Variants in MAPK10 observed in about 807,000 individuals in gnomAD.
MAPK10 encodes the protein mitogen-activated protein kinase 10.
In MAPK10, 25 loss-of-function variants were observed where a neutral mutation model predicts 59.3. That is an observed-to-expected ratio of 0.42 (90% confidence interval 0.31 to 0.59). MAPK10 has a LOEUF of 0.59. MAPK10 is among the 20% of genes least tolerant of loss of function. The pLI is 0.15. For missense variants in MAPK10, 351 were observed against 568.9 expected (o/e 0.62, Z 3.90); for synonymous variants, 190 against 200.5 (o/e 0.95, Z 0.44).
chr4:86,403,097 T>G (rs566105220), intron 1 of MAPK10, among the ~76,000 whole-genome samples: 7 of 152,240 alleles, frequency 4.6e-5, no homozygotes, highest in Admixed American at 4.6e-4. Flanking sequence ...CTAAATCAAT[T>G]TTGGTTTTCT....
At chr4:86,451,432 C>T (rs923264031) in intron 1 of MAPK10, among the ~76,000 whole-genome samples, 2 of 152,084 alleles carry the variant, frequency 1.3e-5, no homozygotes, top group African/African-American at 4.8e-5. Flanking sequence ...TGAAGAATAA[C>T]GGCCAATATT....
At chr4:86,134,260 T>A (rs997683785) in intron 4 of MAPK10, among the ~76,000 whole-genome samples, 11 of 152,228 alleles carry the variant, frequency 7.2e-5, no homozygotes, top group Admixed American at 3.9e-4. Context: ...AAATTAAGTA[T>A]CTGTAGCTCT....
upstream of MAPK10, among the ~76,000 whole-genome samples, chr4:86,454,496 TAAAC>T (rs1456578026): frequency 1.3e-5 from 2 of 151,974 alleles, no homozygotes; most frequent in Non-Finnish European, 2.9e-5. Flanking sequence ...GCAATAGACT[TAAAC>T]AAGCAGAAGA....
chr4:86,486,918 T>C lies in MAPK10; in HGVS notation c.-263+106992A>G, dbSNP rs149483559. ...TACTCTGAGAAGGACAAATCACTGA[T>C]GTCTTATGCAGCAAGAAAGGCACGA... is the stretch of plus-strand genomic sequence containing the variant. On this transcript the variant is annotated intron_variant, in intron 1 of 4. Transcript: ENST00000502302. Among the ~76,000 whole-genome samples, 630 of 152,324 alleles carry C rather than the reference T, an allele frequency of 4.1e-3. 4 individuals are homozygous for C. Among genetic ancestry groups the C allele is most frequent in the African/African-American group, 0.014 (587 of 41,572 alleles).
chr4:86,209,470 T>C (rs952554146), intron 2 of MAPK10, among the ~76,000 whole-genome samples: 1 of 151,958 alleles, frequency 6.6e-6, no homozygotes, highest in African/African-American at 2.4e-5. Context: ...TCTAGGCTAA[T>C]CCTCAGTATG....
At chr4:86,041,284 GA>G (rs1436519526) in intron 11 of MAPK10, among the ~76,000 whole-genome samples, 1 of 152,166 alleles carries the variant, frequency 6.6e-6, no homozygotes, top group Non-Finnish European at 1.5e-5. Context: ...GCCATATGCA[GA>G]AAACTGAAAC....
chr4:86,530,680 TTA>T (rs1435283749), intron 1 of MAPK10, among the ~76,000 whole-genome samples: 1 of 152,192 alleles, frequency 6.6e-6, no homozygotes, highest in Non-Finnish European at 1.5e-5. Context: ...GAGCCTCTGT[TTA>T]TAAGGATACT....
At chr4:86,139,598 A>C (rs2063131243) in intron 4 of MAPK10, among the ~76,000 whole-genome samples, 1 of 152,230 alleles carries the variant, frequency 6.6e-6, no homozygotes, top group Admixed American at 6.5e-5. Context: ...AAACCAAGGC[A>C]TTACCATTCA....
chr4:86,177,337 G>C (rs1201895657), intron 3 of MAPK10, among the ~76,000 whole-genome samples: 1 of 152,002 alleles, frequency 6.6e-6, no homozygotes, highest in Non-Finnish European at 1.5e-5. Flanking sequence ...CATTATGCAG[G>C]TTTTTCCTTT....
chr4:86,347,701 G>T (rs1345698995), intron 2 of MAPK10, among the ~76,000 whole-genome samples: 2 of 152,112 alleles, frequency 1.3e-5, no homozygotes, highest in African/African-American at 4.8e-5. Flanking sequence ...CTGGGTCATA[G>T]ACAGTGCATT....
Position 86,038,653 on chromosome 4 carries a change from T to G in MAPK10, c.1111-7222A>C, listed in dbSNP as rs561318515. 5.9e-5 allele frequency among the ~76,000 whole-genome samples: 9 copies of G among 152,212 alleles called. No homozygotes were observed. The South Asian group carries it at 1.2e-3, about 21-fold the overall frequency. On this transcript the variant is annotated intron_variant, in intron 11 of 13. Transcript: ENST00000641462. ...AAAATGACTCTGATGAAGCACAAAA[T>G]GATATGCACTTTTATTGTTTTATTT... is the stretch of plus-strand genomic sequence containing the variant.
rs150314520 is a variant in MAPK10 at position 86,103,322 on chromosome 4, C to T, written c.367-78G>A. ...AATGTATTATTTTTAAATTGTATTT[C>T]AACTCAAAGTCACTCACTAGTGCTA... On this transcript the variant is annotated intron_variant, in intron 5 of 13. Coordinates refer to ENST00000641462, the MANE Select transcript of MAPK10 (RefSeq NM_138982.4). 3.7e-3 allele frequency: 2,996 copies of T among 809,580 alleles called. 61 individuals carry two copies. In the African/African-American group the frequency reaches 0.044, roughly 12 times the overall value. The allele number at this position is 809,580 out of a possible 1,614,324, so 50.1% of individuals were successfully genotyped here.
Position 86,222,729 on chromosome 4 carries a change from C to T in MAPK10, c.-6-28322G>A, listed in dbSNP as rs2089911356. 2.0e-5 allele frequency among the ~76,000 whole-genome samples: 3 copies of T among 152,310 alleles called. No homozygotes were observed. In the South Asian group the frequency reaches 6.2e-4, roughly 32 times the overall value. The stretch of plus-strand genomic sequence containing the variant: ...TACTGAAGTGGAAGTCCATTTTGTT[C>T]TTGACTGGTCCTCCAGGCCTCCAGA... On this transcript the variant is annotated intron_variant, in intron 2 of 13. Transcript: ENST00000641462.
At chr4:86,324,616 C>A (rs2095979656) in intron 2 of MAPK10, among the ~76,000 whole-genome samples, 1 of 152,144 alleles carries the variant, frequency 6.6e-6, no homozygotes. Flanking sequence ...ATTTTGCTCA[C>A]ATAATAATCA....
intron 2 of MAPK10, among the ~76,000 whole-genome samples, chr4:86,224,898 CTA>C: frequency 6.6e-6 from 1 of 152,264 alleles, no homozygotes; most frequent in Non-Finnish European, 1.5e-5. Context: ...ATACAATTCT[CTA>C]TTGCAATGAA....
chr4:86,064,059 T>C (rs1007059276), intron 11 of MAPK10, among the ~76,000 whole-genome samples: 2 of 152,210 alleles, frequency 1.3e-5, no homozygotes, highest in African/African-American at 4.8e-5. Flanking sequence ...TAGGACTAAA[T>C]CATACCCTCT....
intron 2 of MAPK10, among the ~76,000 whole-genome samples, chr4:86,273,559 C>T (rs2094492868): frequency 1.3e-5 from 2 of 151,718 alleles, no homozygotes; most frequent in Non-Finnish European, 1.5e-5. Flanking sequence ...TCTAACTTAC[C>T]GTAATACATA....
chr4:86,016,817 G>C lies in MAPK10; in HGVS notation c.*411C>G. The C allele has an allele frequency of 5.3e-6, 1 of 188,190 alleles. No individual in the cohort carries two copies. The highest frequency in any genetic ancestry group is 1.0e-4 in the South Asian group (1 of 9,554). 11.7% of individuals were successfully genotyped at this position (188,190 alleles called of 1,614,324 possible). On this transcript the variant is annotated 3_prime_UTR_variant, in exon 14 of 14. Transcript: ENST00000641462. ...TACATCCATCTGACTAGGCCAAGGA[G>C]CAGGTAGATGCAAGATAGAGACACA...
At chr4:86,456,348 A>AAAGAT (rs1341205571), upstream of MAPK10, among the ~76,000 whole-genome samples, 31 of 152,182 alleles carry the variant, frequency 2.0e-4, no homozygotes, top group Non-Finnish European at 4.3e-4. Flanking sequence ...CAACAACAAA[A>AAAGAT]AAGATAAGTA....
Sources: allele counts gnomAD v4.1 joint callset (sites outside exome capture counted in the v4.1 genomes callset), GRCh38; gene constraint gnomAD v4.1.1; transcripts MANE v1.5; gene names NCBI Gene and HGNC (gene_info 2026-07-23, HGNC 2026-07-21).